PTPRD: variants seen among roughly 807,000 people sequenced by gnomAD.
PTPRD encodes the protein protein tyrosine phosphatase receptor type D, also known as receptor-type tyrosine-protein phosphatase delta.
A neutral mutation model predicts 214.5 loss-of-function variants in PTPRD; 34 were observed. The observed-to-expected ratio is 0.16, with a 90% CI of 0.12 to 0.21. The LOEUF is 0.21. Ranked by LOEUF, PTPRD falls within the 10% of genes least tolerant of loss-of-function variation. The pLI, the probability that PTPRD is intolerant of heterozygous loss-of-function variation, is 1.00. For synonymous variants in PTPRD, 1,128 were observed against 845.7 expected, an observed-to-expected ratio of 1.33 and a Z score of -5.79; for missense variants, 2,545 against 2,398.7, an observed-to-expected ratio of 1.06 and a Z score of -1.27.
At chr9:9,410,931 C>A (rs1288570972) in intron 8 of PTPRD, among the ~76,000 whole-genome samples, 3 of 152,084 alleles carry the variant, frequency 2.0e-5, no homozygotes, top group Non-Finnish European at 4.4e-5. Context: ...TGTTCAGTGA[C>A]CTAAATTGAG....
chr9:8,818,679 C>T (rs992852642), intron 11 of PTPRD, among the ~76,000 whole-genome samples: 1 of 152,140 alleles, frequency 6.6e-6, no homozygotes, highest in East Asian at 1.9e-4. Context: ...AAGAACAGAC[C>T]AAATACTTAG....
In PTPRD at chr9:8,449,569, G is replaced by C. The variant is rs540682853; in HGVS notation, c.3988+156C>G. 1.8e-4 allele frequency among the ~76,000 whole-genome samples: 27 copies of C among 152,238 alleles called. No individual in the cohort carries two copies. In the South Asian group the frequency reaches 5.0e-3, roughly 28 times the overall value. ...GCAGAAAGAACTTAATTTCCTTTCA[G>C]ACTTTTGCTTGGGCAAGTCTCCATA... On this transcript the variant is annotated intron_variant, in intron 34 of 45. Coordinates refer to ENST00000381196, the MANE Select transcript of PTPRD (RefSeq NM_002839.4).
chr9:9,729,695 T>C lies in PTPRD; in HGVS notation c.-287+4838A>G, dbSNP rs138190514. 1.2e-3 allele frequency among the ~76,000 whole-genome samples: 179 copies of C among 152,138 alleles called. 1 individual carries two copies. Among genetic ancestry groups the C allele is most frequent in the African/African-American group, 4.0e-3 (166 of 41,530 alleles). Reference sequence around the variant, plus strand: ...AAACATAAAATTAAGGTCCTTGAAGTTGGGGTCATGTCATATCCTTTTTAT... The same window carrying C: ...AAACATAAAATTAAGGTCCTTGAAGCTGGGGTCATGTCATATCCTTTTTAT... On this transcript the variant is annotated intron_variant, in intron 7 of 45. Transcript: ENST00000381196.
chr9:9,276,980 G>A (rs1446461330), intron 9 of PTPRD, among the ~76,000 whole-genome samples: 1 of 151,160 alleles, frequency 6.6e-6, no homozygotes, highest in Non-Finnish European at 1.5e-5. Flanking sequence ...CTCTGCATCT[G>A]TAGAGCTTCT....
chr9:10,036,788 T>C (rs1370117693), intron 3 of PTPRD, among the ~76,000 whole-genome samples: 3 of 152,108 alleles, frequency 2.0e-5, no homozygotes, highest in Admixed American at 2.0e-4. Flanking sequence ...TTCATCATGT[T>C]GGCCAGGATG....
chr9:9,731,542 G>A (rs1428832294), intron 7 of PTPRD, among the ~76,000 whole-genome samples: 1 of 152,044 alleles, frequency 6.6e-6, no homozygotes, highest in African/African-American at 2.4e-5. Context: ...CATGTGCCAT[G>A]TTGGTATGCT....
chr9:9,129,165 T>G (rs12338218), intron 10 of PTPRD, among the ~76,000 whole-genome samples: 7,437 of 152,130 alleles, frequency 0.049, 412 homozygotes, highest in African/African-American at 0.13. Context: ...CGAGGCGGGT[T>G]GATCACCTGA....
chr9:9,711,894 C>T (rs1022791961), intron 7 of PTPRD, among the ~76,000 whole-genome samples: 1 of 152,132 alleles, frequency 6.6e-6, no homozygotes, highest in Non-Finnish European at 1.5e-5. Flanking sequence ...CTAGCTAAAC[C>T]ACTACATCTA....
intron 4 of PTPRD, among the ~76,000 whole-genome samples, chr9:9,957,021 G>A (rs868580745): frequency 2.6e-5 from 4 of 152,150 alleles, no homozygotes; most frequent in African/African-American, 9.6e-5. Flanking sequence ...CTCAAGTTAA[G>A]TTGAAATTTG....
chr9:9,743,704 ACTT>A (rs1418573082), intron 6 of PTPRD, among the ~76,000 whole-genome samples: 2 of 148,520 alleles, frequency 1.3e-5, no homozygotes, highest in Non-Finnish European at 3.0e-5. Flanking sequence ...TCCAAATCTT[ACTT>A]CTTCATAGCA....
At chr9:9,054,708 G>T (rs867993249) in intron 10 of PTPRD, among the ~76,000 whole-genome samples, 4 of 152,160 alleles carry the variant, frequency 2.6e-5, no homozygotes, top group Non-Finnish European at 5.9e-5. Flanking sequence ...AACATTCATT[G>T]ATCATATACT....
intron 9 of PTPRD, among the ~76,000 whole-genome samples, chr9:9,205,752 A>G (rs2099944472): frequency 6.6e-6 from 1 of 152,150 alleles, no homozygotes. Flanking sequence ...TCATTCACCC[A>G]TTTATAAAAA....
intron 12 of PTPRD, among the ~76,000 whole-genome samples, chr9:8,663,217 G>C (rs1424284700): frequency 6.7e-6 from 1 of 149,908 alleles, no homozygotes; most frequent in African/African-American, 2.5e-5. Flanking sequence ...ACATGTTTGA[G>C]GAATGGAACA....
chr9:9,550,441 T>C (rs934450406), intron 8 of PTPRD, among the ~76,000 whole-genome samples: 1 of 148,164 alleles, frequency 6.7e-6, no homozygotes, highest in Admixed American at 6.8e-5. Flanking sequence ...TTAATGTATA[T>C]TATGTATAGT....
At chr9:9,855,792 T>G (rs2061443384) in intron 5 of PTPRD, among the ~76,000 whole-genome samples, 1 of 152,154 alleles carries the variant, frequency 6.6e-6, no homozygotes, top group Non-Finnish European at 1.5e-5. Flanking sequence ...CCAGGAGGGA[T>G]GCCTTCAACT....
intron 7 of PTPRD, among the ~76,000 whole-genome samples, chr9:9,625,722 G>A (rs554237459): frequency 6.6e-6 from 1 of 152,200 alleles, no homozygotes; most frequent in South Asian, 2.1e-4. Context: ...GGAATTATGA[G>A]GCCATTATGG....
rs967383519 is a variant in PTPRD at position 9,005,095 on chromosome 9, C to G, written c.-104+13602G>C. ...TTGAATGGACCTTCAGGGGAAAGAT[C>G]CAAATAGTTTTGCTATGGCTATAGT... is the stretch of plus-strand genomic sequence containing the variant. On this transcript the variant is annotated intron_variant, in intron 11 of 45. Transcript: ENST00000381196. Among the ~76,000 whole-genome samples, 6 of 152,142 alleles carry G rather than the reference C, an allele frequency of 3.9e-5. No homozygotes were observed. In the East Asian group the frequency reaches 1.2e-3, roughly 29 times the overall value.
intron 7 of PTPRD, among the ~76,000 whole-genome samples, chr9:9,731,300 A>G (rs2098187129): frequency 6.6e-6 from 1 of 152,110 alleles, no homozygotes. Context: ...TTTTAATTTT[A>G]CATTTATTTT....
chr9:8,715,965 C>T (rs1265418451), intron 12 of PTPRD, among the ~76,000 whole-genome samples: 2 of 152,250 alleles, frequency 1.3e-5, no homozygotes, highest in Non-Finnish European at 2.9e-5. Context: ...CTTTGGAGCA[C>T]TGGCCCTTGA....
Sources: gnomAD v4.1 joint callset for allele counts (sites outside exome capture counted in the v4.1 genomes callset) on GRCh38, gnomAD v4.1.1 for gene constraint, MANE v1.5 for transcripts, NCBI Gene and HGNC (gene_info 2026-07-23, HGNC 2026-07-21) for gene names.